HHLA1: variants seen among roughly 807,000 people sequenced by gnomAD.
HHLA1 encodes HERV-H LTR-associating protein 1.
HHLA1 carries 72 observed loss-of-function variants against 69.9 expected under a neutral mutation model. The observed-to-expected ratio is 1.03, with a 90% CI of 0.85 to 1.25. The LOEUF (loss-of-function observed/expected upper bound fraction) is 1.25, where lower values mean the gene tolerates loss of function less well. Ranked by LOEUF, HHLA1 falls within the 50% of genes most tolerant of loss-of-function variation. The pLI is 0.00. For synonymous variants in HHLA1, 252 were observed against 233.2 expected, an observed-to-expected ratio of 1.08 and a Z score of -0.73; for missense variants, 685 against 642.2, an observed-to-expected ratio of 1.07 and a Z score of -0.72.
rs1285954599 is a variant in HHLA1 at position 132,095,526 on chromosome 8, G to A, written c.441C>T (p.Asp147=). ...ATGGTAAGCTGTACCCACCTGATAA[G>A]TCATTGGTCCGATTGTTTAAACAGT... ...YCYCLNNRTN[D]LSDFTALLVD... The change falls in exon 7 of 17, where the codon GAC becomes GAT. Residue 147 remains aspartate (D), a synonymous_variant. Coordinates refer to ENST00000414222, the MANE Select transcript of HHLA1 (RefSeq NM_001145095.3). 1 of 1,547,204 alleles carries A rather than the reference G, an allele frequency of 6.5e-7. No homozygotes were observed. The highest frequency in any genetic ancestry group is 8.8e-7 in the Non-Finnish European group (1 of 1,142,792).
rs1327041046 is a variant in HHLA1, at chr8:132,071,420, GT to G, written c.1388del (p.Asn463ThrfsTer4). On this transcript the variant is annotated frameshift_variant, in exon 15 of 17. Transcript: ENST00000414222. LOFTEE classifies it high-confidence loss of function. Reference sequence around the variant, plus strand: ...ATTGGCACAGCTCCATCAGGCATGGGTTGAGCCTCTGAATAGCCAGGGTGAG... The same window carrying G: ...ATTGGCACAGCTCCATCAGGCATGGGTGAGCCTCTGAATAGCCAGGGTGAG... ...APLTLAIQRL[N>X]PCLMELCQFF... The G allele has an allele frequency of 3.9e-6, 6 of 1,551,664 alleles. No homozygotes were observed. Among genetic ancestry groups the G allele is most frequent in the Non-Finnish European group, 5.2e-6 (6 of 1,146,942 alleles).
chr8:132,074,538 G>A (rs1161612706), intron 14 of HHLA1, among the ~76,000 whole-genome samples: 1 of 152,176 alleles, frequency 6.6e-6, no homozygotes, highest in Admixed American at 6.5e-5. Flanking sequence ...TGGCAGTACA[G>A]TAGGAGCCCA....
Position 132,109,014 on chromosome 8 carries a change from C to T in HHLA1, c.-22+2088G>A, listed in dbSNP as rs548299205. On this transcript the variant is annotated intron_variant, in intron 1 of 16. Coordinates refer to ENST00000414222, the MANE Select transcript of HHLA1 (RefSeq NM_001145095.3). ...TTTAGGGTATTTTTGTTTGTTTTTG[C>T]TTGTTTGTTTTGAGACGAAGTCTCG... Among the ~76,000 whole-genome samples the T allele has an allele frequency of 2.0e-5, 3 of 152,150 alleles. No individual in the cohort carries two copies. In the East Asian group the frequency reaches 5.8e-4, roughly 29 times the overall value.
chr8:132,073,424 GT>G (rs1246091391), intron 14 of HHLA1, among the ~76,000 whole-genome samples: 6 of 152,200 alleles, frequency 3.9e-5, no homozygotes, highest in Admixed American at 2.0e-4. Context: ...GTGCCCATGA[GT>G]TTTTCTCTAT....
chr8:132,088,275 G>T (rs1055939358), intron 8 of HHLA1, among the ~76,000 whole-genome samples: 3 of 152,188 alleles, frequency 2.0e-5, no homozygotes, highest in Admixed American at 1.3e-4. Context: ...CCACATCTCT[G>T]TAAGACAACA....
intron 15 of HHLA1, among the ~76,000 whole-genome samples, chr8:132,069,509 AAAG>A (rs1203291131): frequency 6.6e-6 from 1 of 152,220 alleles, no homozygotes; most frequent in African/African-American, 2.4e-5. Flanking sequence ...AATACACAGA[AAAG>A]AAGGAACAAG....
Position 132,071,359 on chromosome 8 carries a change from G to A in HHLA1, c.1450C>T (p.Pro484Ser). The A allele has an allele frequency of 2.6e-6, 4 of 1,551,548 alleles. No homozygotes were observed. The highest frequency in any genetic ancestry group is 1.7e-6 in the Non-Finnish European group (2 of 1,146,872). ...AGTTACCTCATGTCCTCTGTCCTGG[G>A]ACTCCTCTGGCTCATGCAGAGGCAT... is the stretch of plus-strand genomic sequence containing the variant. Reference protein sequence around the residue: ...QQCLCMSQRSPRTEDMRYCLE... With the variant: ...QQCLCMSQRSSRTEDMRYCLE... Residue 484 changes from proline (P) to serine (S), a missense_variant, in exon 15 of 17, where the codon CCC (proline) becomes TCC (serine). Transcript: ENST00000414222.
intron 11 of HHLA1, 147 bp from the exon 12 acceptor site, chr8:132,078,118 T>A (rs956465503): frequency 2.3e-5 from 19 of 834,826 alleles, no homozygotes; most frequent in Middle Eastern, 3.6e-4. Flanking sequence ...TAAACTTTAC[T>A]CTGAACTGAA....
At chr8:132,098,848 A>G (rs1181128253) in intron 5 of HHLA1, 34 bp downstream of exon 5, 1 of 1,406,556 alleles carries the variant, frequency 7.1e-7, no homozygotes, top group Non-Finnish European at 9.8e-7. Flanking sequence ...AGAAAAAAAA[A>G]TGGACCTGGA....
At chr8:132,075,719 G>C (rs142202303) in intron 14 of HHLA1, among the ~76,000 whole-genome samples, 7 of 152,138 alleles carry the variant, frequency 4.6e-5, no homozygotes, top group African/African-American at 1.7e-4. Context: ...ACATTCACTC[G>C]ATAAAAGTTG....
At chr8:132,103,216 T>C (rs1277365317) in intron 3 of HHLA1, among the ~76,000 whole-genome samples, 1 of 152,218 alleles carries the variant, frequency 6.6e-6, no homozygotes, top group Non-Finnish European at 1.5e-5. Context: ...GTACAATTGG[T>C]GCTTTCAGGA....
intron 1 of HHLA1, among the ~76,000 whole-genome samples, chr8:132,108,254 A>T (rs1356520935): frequency 6.6e-6 from 1 of 152,204 alleles, no homozygotes; most frequent in East Asian, 1.9e-4. Context: ...GTGCTATATA[A>T]ATGTATAACA....
At chr8:132,072,603 G>C (rs909428083) in intron 14 of HHLA1, among the ~76,000 whole-genome samples, 1 of 152,008 alleles carries the variant, frequency 6.6e-6, no homozygotes, top group Non-Finnish European at 1.5e-5. Flanking sequence ...TCCAACAAAG[G>C]TTCACTAATC....
In HHLA1 at chr8:132,076,605, T is replaced by C. The variant is rs948518898; in HGVS notation, c.1172-62A>G. 3.1e-5 allele frequency: 36 copies of C among 1,150,202 alleles called. No individual in the cohort carries two copies. The East Asian group carries it at 1.0e-3, about 33-fold the overall frequency. The allele number at this position is 1,150,202 out of a possible 1,614,324, so 71.2% of individuals were successfully genotyped here. Reference sequence around the variant, plus strand: ...TTCTAGGGGGCCCTGAGGGAGAAGATGACCAGGGCCACCTATCCTGCCCTA... The same window carrying C: ...TTCTAGGGGGCCCTGAGGGAGAAGACGACCAGGGCCACCTATCCTGCCCTA... On this transcript the variant is annotated intron_variant, in intron 12 of 16. Transcript: ENST00000414222.
intron 1 of HHLA1, among the ~76,000 whole-genome samples, chr8:132,107,657 A>G (rs900918021): frequency 1.3e-5 from 2 of 152,206 alleles, no homozygotes; most frequent in African/African-American, 2.4e-5. Flanking sequence ...GTTCTTGGAG[A>G]AAAATGCATT....
At chr8:132,089,691 A>G (rs1397995386) in intron 7 of HHLA1, 92 bp from the exon 8 acceptor site, 2 of 722,212 alleles carry the variant, frequency 2.8e-6, no homozygotes, top group Admixed American at 2.2e-5. Context: ...TAAATTTTAC[A>G]AGTTTGATTT....
chr8:132,084,085 A>T (rs936448371), intron 10 of HHLA1, among the ~76,000 whole-genome samples: 2 of 152,122 alleles, frequency 1.3e-5, no homozygotes, highest in African/African-American at 4.8e-5. Context: ...CTGATTTGGG[A>T]TAAAGAAAAA....
In HHLA1 at chr8:132,063,803, C is replaced by G; in HGVS notation, c.*192G>C. 4.7e-6 allele frequency: 1 copy of G among 212,258 alleles called. No individual in the cohort carries two copies. The highest frequency in any genetic ancestry group is 1.0e-5 in the Non-Finnish European group (1 of 97,600). 13.1% of individuals were successfully genotyped at this position (212,258 alleles called of 1,614,324 possible). On this transcript the variant is annotated 3_prime_UTR_variant, in exon 17 of 17. Transcript: ENST00000414222. The stretch of plus-strand genomic sequence containing the variant: ...AGGCCTCTAACAAGAAAACTTCTAC[C>G]TTCAATGTTTTGCACAGATTCACAG...
At chr8:132,076,391 C>T in intron 13 of HHLA1, 84 bp downstream of exon 13, 1 of 943,378 alleles carries the variant, frequency 1.1e-6, no homozygotes, top group Non-Finnish European at 1.6e-6. Flanking sequence ...ACTGGTACCC[C>T]ATCCCACCAC....
Sources: allele counts gnomAD v4.1 joint callset (sites outside exome capture counted in the v4.1 genomes callset), GRCh38; gene constraint gnomAD v4.1.1; transcripts MANE v1.5; gene names NCBI Gene and HGNC (gene_info 2026-07-23, HGNC 2026-07-21).